CSE1L: variants seen among roughly 807,000 people sequenced by gnomAD.
The protein encoded by CSE1L is exportin-2.
In CSE1L, 24 loss-of-function variants were observed where a neutral mutation model predicts 120.4. That is an observed-to-expected ratio of 0.20 (90% CI 0.14 to 0.28). The LOEUF is 0.28. Among genes scored for constraint, CSE1L ranks in the 10% least tolerant of loss-of-function variants. The probability of loss-of-function intolerance (pLI) is 1.00; values close to 1 mark genes in which losing one functional copy is unlikely to be tolerated. For synonymous variants in CSE1L, 402 were observed against 398.3 expected (o/e 1.01, Z -0.11); for missense variants, 830 against 1,145.2 (o/e 0.72, Z 3.97).
At chr20:49,068,947 C>G in intron 7 of CSE1L, 125 bp downstream of exon 7, 1 of 660,390 alleles carries the variant, frequency 1.5e-6, no homozygotes, top group Non-Finnish European at 2.6e-6. Context: ...TTTTCTGACT[C>G]TATTTATCTA....
chr20:49,091,342 C>T (rs6012598), intron 21 of CSE1L, among the ~76,000 whole-genome samples: 1 of 151,558 alleles, frequency 6.6e-6, no homozygotes, highest in African/African-American at 2.4e-5. Context: ...GGAGCATCAC[C>T]TAAGTCCCAG....
chr20:49,065,260 G>A (rs528804594), intron 3 of CSE1L, among the ~76,000 whole-genome samples: 2 of 143,890 alleles, frequency 1.4e-5, no homozygotes, highest in African/African-American at 5.1e-5. Context: ...GCATATATCT[G>A]TAAAGATTTT....
Position 49,090,848 on chromosome 20 carries a change from G to T in CSE1L, c.2279+9G>T. The T allele has an allele frequency of 6.2e-7, 1 of 1,609,402 alleles. No individual in the cohort carries two copies. The highest frequency in any genetic ancestry group is 1.1e-5 in the South Asian group (1 of 90,298). ...ATAGAGCACATGCCTCCGTGAGTAT[G>T]ACTAGAACTTTGTGCATTTATTTAG... On this transcript the variant is annotated intron_variant, in intron 20 of 24. Coordinates refer to ENST00000262982, the MANE Select transcript of CSE1L (RefSeq NM_001316.4).
intron 16 of CSE1L, 118 bp downstream of exon 16, chr20:49,085,504 G>A (rs1006615565): frequency 1.0e-4 from 37 of 370,724 alleles, no homozygotes; most frequent in Non-Finnish European, 1.7e-4. Flanking sequence ...TTACCAAGTA[G>A]TAAGTTAGTT....
At chr20:49,090,885 G>C (rs2092095982) in intron 20 of CSE1L, 46 bp downstream of exon 20, 1 of 1,599,542 alleles carries the variant, frequency 6.3e-7, no homozygotes, top group Non-Finnish European at 8.5e-7. Context: ...AATTTTGTTA[G>C]GTGCTCAGAA....
chr20:49,091,690 C>T (rs1162767766), intron 21 of CSE1L, among the ~76,000 whole-genome samples: 1 of 152,130 alleles, frequency 6.6e-6, no homozygotes, highest in Non-Finnish European at 1.5e-5. Flanking sequence ...CTCCTGCACC[C>T]AGCCTAGGTG....
At position 49,083,964 on chromosome 20, in the gene CSE1L, T is replaced by C. The variant is rs565642893; in HGVS notation, c.1483-62T>C. The C allele has an allele frequency of 5.9e-5, 89 of 1,497,338 alleles. No homozygotes were observed. The South Asian group carries it at 9.3e-4, about 16-fold the overall frequency. The allele number at this position is 1,497,338 out of a possible 1,614,324, so 92.8% of individuals were successfully genotyped here. On this transcript the variant is annotated intron_variant, in intron 14 of 24. Coordinates refer to ENST00000262982, the MANE Select transcript of CSE1L (RefSeq NM_001316.4). ...AAATCAACAGGTCCTTCTCTTCCAATTGTCTTTTACTCAAATATGGAATCA... is the reference window on the plus strand; with the variant it reads ...AAATCAACAGGTCCTTCTCTTCCAACTGTCTTTTACTCAAATATGGAATCA...
intron 11 of CSE1L, among the ~76,000 whole-genome samples, 182 bp from the exon 12 acceptor site, chr20:49,075,136 G>T (rs951485233): frequency 3.3e-5 from 5 of 151,906 alleles, no homozygotes; most frequent in Non-Finnish European, 7.4e-5. Flanking sequence ...TTGGGGGCGG[G>T]AATGTTTTTT....
At chr20:49,078,143 C>T (rs1163152624) in intron 13 of CSE1L, among the ~76,000 whole-genome samples, 1 of 152,138 alleles carries the variant, frequency 6.6e-6, no homozygotes, top group Non-Finnish European at 1.5e-5. Context: ...AATGAGCTCC[C>T]ATGTGACCAT....
At chr20:49,070,426 C>G (rs1456068568) in intron 8 of CSE1L, 129 bp downstream of exon 8, 4 of 558,376 alleles carry the variant, frequency 7.2e-6, no homozygotes, top group Non-Finnish European at 9.5e-6. Flanking sequence ...ATATTTGATT[C>G]TATTTGATGT....
chr20:49,053,181 A>G (rs1275427389), intron 1 of CSE1L, among the ~76,000 whole-genome samples: 2 of 147,178 alleles, frequency 1.4e-5, no homozygotes, highest in Non-Finnish European at 3.0e-5. Flanking sequence ...TAAAGACAAA[A>G]TAGATCTGTA....
chr20:49,096,026 T>G, intron 24 of CSE1L: 1 of 422,474 alleles, frequency 2.4e-6, no homozygotes, highest in Non-Finnish European at 4.4e-6. Context: ...CGTTTCTCCT[T>G]TTATTCTCTG....
At chr20:49,055,544 C>A (rs1272294385) in intron 1 of CSE1L, among the ~76,000 whole-genome samples, 1 of 151,960 alleles carries the variant, frequency 6.6e-6, no homozygotes, top group Admixed American at 6.6e-5. Context: ...TGGTGAAACC[C>A]CATCTCTACA....
At chr20:49,047,118 T>G (rs1324238308) in intron 1 of CSE1L, among the ~76,000 whole-genome samples, 1 of 152,168 alleles carries the variant, frequency 6.6e-6, no homozygotes, top group Non-Finnish European at 1.5e-5. Context: ...TGTGCTGTGG[T>G]GGTTCGGAGC....
In CSE1L at chr20:49,065,312, A is replaced by ATTTTTTTT. The variant is rs1568769017; in HGVS notation, c.229-880_229-879insTTTTTTTT. 2.8e-4 allele frequency among the ~76,000 whole-genome samples: 22 copies of ATTTTTTTT among 79,410 alleles called. 1 individual carries two copies. Among genetic ancestry groups the ATTTTTTTT allele is most frequent in the East Asian group, 3.7e-4 (1 of 2,716 alleles). 52.1% of individuals were successfully genotyped at this position (79,410 alleles called of 152,430 possible). A position where few individuals can be genotyped will look rare whatever the true frequency, so the allele number is the denominator to read the frequency against. On this transcript the variant is annotated intron_variant, in intron 3 of 24. Coordinates refer to ENST00000262982, the MANE Select transcript of CSE1L (RefSeq NM_001316.4). ...TAGTTTACATATGAAATGAAAAAAAAATTTTTTTTTTTTTTTTTTTTTTTT... is the reference window on the plus strand; with the variant it reads ...TAGTTTACATATGAAATGAAAAAAAATTTTTTTTATTTTTTTTTTTTTTTTTTTTTTTT...
At position 49,084,780 on chromosome 20, in the gene CSE1L, G is replaced by A. The variant is rs142434842; in HGVS notation, c.1620-503G>A. Reference sequence around the variant, plus strand: ...TATTATTTCTTGAAATGAGCTTTGGGTAAGAGATGGAAAACAGTTCTAGGT... The same window carrying A: ...TATTATTTCTTGAAATGAGCTTTGGATAAGAGATGGAAAACAGTTCTAGGT... On this transcript the variant is annotated intron_variant, in intron 15 of 24. Coordinates refer to ENST00000262982, the MANE Select transcript of CSE1L (RefSeq NM_001316.4). Among the ~76,000 whole-genome samples the A allele has an allele frequency of 4.5e-3, 689 of 152,228 alleles. 5 individuals carry two copies. The highest frequency in any genetic ancestry group is 0.016 in the African/African-American group (654 of 41,534).
chr20:49,066,513 A>G lies in CSE1L; in HGVS notation c.476+3A>G. 1.9e-6 allele frequency: 3 copies of G among 1,598,562 alleles called. No homozygotes were observed. Among genetic ancestry groups the G allele is most frequent in the Non-Finnish European group, 2.6e-6 (3 of 1,172,082 alleles). On this transcript the variant is annotated splice_donor_region_variant and intron_variant, in intron 5 of 24. Transcript: ENST00000262982. Reference sequence around the variant, plus strand: ...ACAGCACATTCATTATTTAAAAGGTATTGATGCATAGATTCATGTTTTTAA... The same window carrying G: ...ACAGCACATTCATTATTTAAAAGGTGTTGATGCATAGATTCATGTTTTTAA...
At chr20:49,076,091 C>T (rs2091966196) in intron 12 of CSE1L, among the ~76,000 whole-genome samples, 1 of 152,226 alleles carries the variant, frequency 6.6e-6, no homozygotes, top group Non-Finnish European at 1.5e-5. Context: ...CTCAGCCTCC[C>T]AGAGTGCTGG....
intron 1 of CSE1L, among the ~76,000 whole-genome samples, chr20:49,046,729 C>T (rs2091714235): frequency 6.6e-6 from 1 of 152,380 alleles, no homozygotes; most frequent in South Asian, 2.1e-4. Context: ...GCCCTTTCCT[C>T]TCCATCACGG....
Sources: allele counts gnomAD v4.1 joint callset (sites outside exome capture counted in the v4.1 genomes callset), GRCh38; gene constraint gnomAD v4.1.1; transcripts MANE v1.5; gene names NCBI Gene and HGNC (gene_info 2026-07-23, HGNC 2026-07-21).